Variants in GAN observed in about 807,000 individuals in gnomAD.
GAN encodes the protein epididymis secretory sperm binding protein.
GAN carries 48 observed loss-of-function variants against 71.3 expected under a neutral mutation model. The observed-to-expected ratio is 0.67, with a 90% CI of 0.53 to 0.86. The LOEUF (loss-of-function observed/expected upper bound fraction) is 0.86, where lower values mean the gene tolerates loss of function less well. Ranked by LOEUF, GAN falls within the 40% of genes least tolerant of loss-of-function variation. The probability of loss-of-function intolerance (pLI) is 0.00; values close to 1 mark genes in which losing one functional copy is unlikely to be tolerated. For synonymous variants in GAN, 386 were observed against 276.8 expected (o/e 1.39, Z -3.92); for missense variants, 928 against 770.1 (o/e 1.21, Z -2.43).
Position 81,378,847 on chromosome 16 carries a change from G to T in GAN, c.*1251G>T, listed in dbSNP as rs375673168. Reference sequence around the variant, plus strand: ...AACCCACTTTACCCCACTTCTCATTGGGGGAAAAATGTCTTTCGTTCGTGG... The same window carrying T: ...AACCCACTTTACCCCACTTCTCATTTGGGGAAAAATGTCTTTCGTTCGTGG... On this transcript the variant is annotated 3_prime_UTR_variant, in exon 11 of 11. Coordinates refer to ENST00000648994, the MANE Select transcript of GAN (RefSeq NM_022041.4). 7.9e-4 allele frequency: 120 copies of T among 152,500 alleles called. No individual in the cohort carries two copies. Among genetic ancestry groups the T allele is most frequent in the African/African-American group, 2.8e-3 (116 of 41,490 alleles). The allele number at this position is 152,500 out of a possible 1,614,324, so 9.4% of individuals were successfully genotyped here.
intron 5 of GAN, among the ~76,000 whole-genome samples, chr16:81,358,419 C>G (rs11861158): frequency 0.021 from 3,214 of 152,060 alleles, 57 homozygotes; most frequent in East Asian, 0.082. Context: ...CCAGCCTGGA[C>G]AATGTAGGAG....
chr16:81,375,778 T>C (rs1209128037), intron 9 of GAN, among the ~76,000 whole-genome samples: 1 of 151,586 alleles, frequency 6.6e-6, no homozygotes, highest in Non-Finnish European at 1.5e-5. Flanking sequence ...TCAGCCTGGG[T>C]AGCATGGTGA....
At chr16:81,368,497 C>T (rs1313595272) in intron 9 of GAN, among the ~76,000 whole-genome samples, 1 of 152,174 alleles carries the variant, frequency 6.6e-6, no homozygotes, top group African/African-American at 2.4e-5. Flanking sequence ...GTCCCAGCTA[C>T]TTGGAAGGCT....
intron 1 of GAN, among the ~76,000 whole-genome samples, chr16:81,316,520 G>T (rs1293589718): frequency 6.6e-6 from 1 of 151,952 alleles, no homozygotes; most frequent in Non-Finnish European, 1.5e-5. Context: ...AGGGTCTGGG[G>T]TAGCATCGTT....
intron 9 of GAN, among the ~76,000 whole-genome samples, chr16:81,374,129 A>G (rs1904275066): frequency 6.6e-6 from 1 of 152,094 alleles, no homozygotes. Flanking sequence ...CTTAATTTGG[A>G]TTGATCTAAT....
Position 81,320,648 on chromosome 16 carries a change from GTTTC to G in GAN, c.167+5371_167+5374del, listed in dbSNP as rs1449796772. The stretch of plus-strand genomic sequence containing the variant: ...TTGAATAGTGATTGTAGCCTGTGAA[GTTTC>G]TTAGTGCTCAGGGGTTCAGTTAGAA... On this transcript the variant is annotated intron_variant, in intron 1 of 10. Transcript: ENST00000648994. Among the ~76,000 whole-genome samples, 3 of 152,348 alleles carry G rather than the reference GTTTC, an allele frequency of 2.0e-5. No homozygotes were observed. The East Asian group carries it at 5.8e-4, about 29-fold the overall frequency.
rs768748716 is a variant in GAN, at chr16:81,380,004, A to G, written c.*2408A>G. The G allele has an allele frequency of 5.2e-5, 8 of 152,494 alleles. No individual in the cohort carries two copies. Among genetic ancestry groups the G allele is most frequent in the Non-Finnish European group, 1.2e-4 (8 of 68,018 alleles). 9.4% of individuals were successfully genotyped at this position (152,494 alleles called of 1,614,324 possible). ...AAATAAATTTGCCACATAATATGGG[A>G]TGCAATAACCAACAAAGCTGCTAAG... On this transcript the variant is annotated 3_prime_UTR_variant, in exon 11 of 11. Coordinates refer to ENST00000648994, the MANE Select transcript of GAN (RefSeq NM_022041.4).
intron 5 of GAN, among the ~76,000 whole-genome samples, chr16:81,361,579 G>C (rs980765199): frequency 6.6e-6 from 1 of 152,202 alleles, no homozygotes; most frequent in African/African-American, 2.4e-5. Context: ...AATTTTCCTA[G>C]ATTAGAAATG....
At chr16:81,360,502 C>G (rs1273745591) in intron 5 of GAN, among the ~76,000 whole-genome samples, 2 of 151,280 alleles carry the variant, frequency 1.3e-5, no homozygotes, top group Non-Finnish European at 2.9e-5. Flanking sequence ...GTGCTGTTTT[C>G]TTGATTATTA....
At chr16:81,344,871 T>C (rs537705253) in intron 1 of GAN, among the ~76,000 whole-genome samples, 1 of 152,308 alleles carries the variant, frequency 6.6e-6, no homozygotes, top group East Asian at 1.9e-4. Context: ...AGGGCTAATA[T>C]CCAGAATCTA....
intron 1 of GAN, among the ~76,000 whole-genome samples, chr16:81,333,508 T>C (rs980339340): frequency 6.6e-6 from 1 of 152,188 alleles, no homozygotes; most frequent in African/African-American, 2.4e-5. Flanking sequence ...GAATAGGCTA[T>C]GCATAGCCTG....
At chr16:81,325,594 C>G (rs1909358797) in intron 1 of GAN, among the ~76,000 whole-genome samples, 1 of 152,110 alleles carries the variant, frequency 6.6e-6, no homozygotes, top group Admixed American at 6.5e-5. Context: ...TCTACAGGAC[C>G]AGGAAGGGAT....
In GAN at chr16:81,387,073, C is replaced by G. The variant is rs959187217; in HGVS notation, c.*9477C>G. 1.3e-5 allele frequency: 2 copies of G among 152,238 alleles called. No individual in the cohort carries two copies. The allele number at this position is 152,238 out of a possible 1,614,324, so 9.4% of individuals were successfully genotyped here. A position where few individuals can be genotyped will look rare whatever the true frequency, so the allele number is the denominator to read the frequency against. On this transcript the variant is annotated 3_prime_UTR_variant, in exon 11 of 11. Transcript: ENST00000648994. ...GCAAGATCACTTAAGGTGAGCTACT[C>G]TAGCAGCATCCTGTTTGACATTTGT... is the stretch of plus-strand genomic sequence containing the variant.
intron 5 of GAN, among the ~76,000 whole-genome samples, chr16:81,359,464 A>G (rs934045181): frequency 1.2e-4 from 17 of 147,110 alleles, no homozygotes; most frequent in East Asian, 2.0e-4. Flanking sequence ...TTGTCATTCA[A>G]TTTTTCTTCT....
intron 1 of GAN, among the ~76,000 whole-genome samples, chr16:81,340,753 C>T (rs1909915323): frequency 7.1e-6 from 1 of 141,520 alleles, no homozygotes; most frequent in Non-Finnish European, 1.6e-5. Context: ...GAATACAACT[C>T]CTTGCCAGCA....
At chr16:81,364,940 T>A (rs779244678) in intron 7 of GAN, 34 bp from the exon 8 acceptor site, 1 of 1,610,474 alleles carries the variant, frequency 6.2e-7, no homozygotes, top group South Asian at 1.1e-5. Flanking sequence ...ATGAGAAATG[T>A]TGCCTCTCCC....
intron 2 of GAN, among the ~76,000 whole-genome samples, chr16:81,352,141 C>G (rs920063271): frequency 3.3e-5 from 5 of 152,124 alleles, no homozygotes; most frequent in African/African-American, 1.2e-4. Context: ...ATAGAGAGTT[C>G]CTTGTAGATC....
chr16:81,315,197 C>T lies in GAN; in HGVS notation c.84C>T (p.Arg28=). ...RALSSFREES[R]FCDAHLVLDG... The stretch of plus-strand genomic sequence containing the variant: ...TCAGCTCTTTCCGCGAGGAGTCTCG[C>T]TTCTGCGACGCGCACCTGGTCCTCG... Residue 28 remains arginine (R), a synonymous_variant, in exon 1 of 11, where the codon CGC becomes CGT. Transcript: ENST00000648994. The T allele has an allele frequency of 1.3e-6, 2 of 1,578,602 alleles. No homozygotes were observed. The highest frequency in any genetic ancestry group is 1.7e-6 in the Non-Finnish European group (2 of 1,164,718).
At position 81,353,446 on chromosome 16, in the gene GAN, T is replaced by A. The variant is rs552535929; in HGVS notation, c.283-959T>A. Among the ~76,000 whole-genome samples, 8 of 152,358 alleles carry A rather than the reference T, an allele frequency of 5.3e-5. No individual in the cohort carries two copies. In the East Asian group the frequency reaches 1.5e-3, roughly 29 times the overall value. On this transcript the variant is annotated intron_variant, in intron 2 of 10. Transcript: ENST00000648994. The stretch of plus-strand genomic sequence containing the variant: ...TGTCTTGTGGCTAAATATAATGTCA[T>A]ATAAATGGAACATTTTCCCCTACTT...
Sources: allele counts gnomAD v4.1 joint callset (sites outside exome capture counted in the v4.1 genomes callset), GRCh38; gene constraint gnomAD v4.1.1; transcripts MANE v1.5; gene names NCBI Gene and HGNC (gene_info 2026-07-23, HGNC 2026-07-21).